The following PHRF1 variants were observed in gnomAD, a reference collection of about 807,000 sequenced individuals.
PHRF1 encodes PHD and ring finger domains 1, also known as PHD and RING finger domain-containing protein 1.
PHRF1 carries 53 observed loss-of-function variants against 128.9 expected under a neutral mutation model. The ratio of observed to expected loss-of-function variants is 0.41; its 90% CI spans 0.33 to 0.52. PHRF1 has a LOEUF of 0.52. Among genes scored for constraint, PHRF1 ranks in the 20% least tolerant of loss-of-function variants. The pLI is 0.21. For missense variants in PHRF1, 2,503 were observed against 2,284.5 expected, an observed-to-expected ratio of 1.10 and a Z score of -1.95; for synonymous variants, 1,178 against 980.6, an observed-to-expected ratio of 1.20 and a Z score of -3.76.
intron 1 of PHRF1, among the ~76,000 whole-genome samples, chr11:577,409 A>G (rs961707582): frequency 5.9e-5 from 9 of 152,258 alleles, no homozygotes; most frequent in African/African-American, 1.9e-4. Context: ...CCAGTGGTCA[A>G]TGGACAGGCT....
chr11:612,002 G>A lies in PHRF1; in HGVS notation c.*225G>A, dbSNP rs1213231636. 3 of 613,284 alleles carry A rather than the reference G, an allele frequency of 4.9e-6. No homozygotes were observed. Among genetic ancestry groups the A allele is most frequent in the Non-Finnish European group, 8.3e-6 (3 of 360,890 alleles). 38.0% of individuals were successfully genotyped at this position (613,284 alleles called of 1,614,324 possible). On this transcript the variant is annotated 3_prime_UTR_variant, in exon 18 of 18. Transcript: ENST00000264555. ...AGTTGAAAACTGGACACTTTTGTAT[G>A]TATATTATAGAGACACTGTTTCCAT...
At chr11:580,614 C>T (rs1223365370) in intron 1 of PHRF1, among the ~76,000 whole-genome samples, 1 of 152,226 alleles carries the variant, frequency 6.6e-6, no homozygotes, top group Non-Finnish European at 1.5e-5. Context: ...CTCTTGTGCC[C>T]AGCTGATAAA....
chr11:594,385 C>T (rs1188485269), intron 6 of PHRF1, among the ~76,000 whole-genome samples: 2 of 152,236 alleles, frequency 1.3e-5, no homozygotes, highest in Admixed American at 6.5e-5. Context: ...TTTTCACGCA[C>T]AAAGCCTGGT....
In PHRF1 at chr11:607,866, G is replaced by C; in HGVS notation, c.2410G>C (p.Asp804His). 6.2e-7 allele frequency: 1 copy of C among 1,612,810 alleles called. No individual in the cohort carries two copies. The highest frequency in any genetic ancestry group is 8.5e-7 in the Non-Finnish European group (1 of 1,179,888). ...PGFCNTFRPV[D>H]DKEQRKENPS... Reference sequence around the variant, plus strand: ...CTTCTGTAACACGTTCCGGCCTGTGGACGATAAGGAGCAGAGGAAGGAGAA... The same window carrying C: ...CTTCTGTAACACGTTCCGGCCTGTGCACGATAAGGAGCAGAGGAAGGAGAA... Residue 804 changes from aspartate to histidine, a missense_variant, in exon 14 of 18, where the codon GAC (aspartate) becomes CAC (histidine). Asp to His is a moderately conservative substitution (Grantham distance 81). Coordinates refer to ENST00000264555, the MANE Select transcript of PHRF1 (RefSeq NM_001286581.2).
intron 4 of PHRF1, among the ~76,000 whole-genome samples, chr11:589,251 C>T (rs561825835): frequency 1.8e-4 from 27 of 152,156 alleles, no homozygotes; most frequent in Non-Finnish European, 2.8e-4. Context: ...CATAAGGAGA[C>T]GTGTAAGACA....
chr11:609,595 A>T lies in PHRF1; in HGVS notation c.4139A>T (p.Glu1380Val). ...CCCTCTGCGAGTGGGAGGGTACAGG[A>T]GGCAGCCCGGCCTGAGGAGGTGGTT... The part of the protein sequence containing the change: ...DSPSASGRVQ[E>V]AARPEEVVSQ... Residue 1380 changes from glutamate (E) to valine (V), a missense_variant, in exon 14 of 18, where the codon GAG becomes GTG. Physicochemically the swap from Glu to Val is moderately radical, Grantham distance 121. Coordinates refer to ENST00000264555, the MANE Select transcript of PHRF1 (RefSeq NM_001286581.2). The T allele has an allele frequency of 6.3e-7, 1 of 1,594,858 alleles. No individual in the cohort carries two copies. The highest frequency in any genetic ancestry group is 8.5e-7 in the Non-Finnish European group (1 of 1,172,236).
intron 6 of PHRF1, among the ~76,000 whole-genome samples, chr11:596,136 C>T (rs1855262049): frequency 6.6e-6 from 1 of 152,220 alleles, no homozygotes; most frequent in Non-Finnish European, 1.5e-5. Flanking sequence ...GCTCAATTTT[C>T]AGGGAAATCA....
intron 9 of PHRF1, among the ~76,000 whole-genome samples, chr11:599,253 CTTTTTTTTTTTTTTTT>C (rs754658303): frequency 1.9e-5 from 2 of 104,994 alleles, no homozygotes; most frequent in East Asian, 2.5e-4. Flanking sequence ...TTTTTCTTTT[CTTTTTTTTTTTTTTTT>C]TTTGAGACAG....
At chr11:603,051 T>C (rs912617494) in intron 10 of PHRF1, among the ~76,000 whole-genome samples, 1 of 151,774 alleles carries the variant, frequency 6.6e-6, no homozygotes, top group Non-Finnish European at 1.5e-5. Context: ...TGAGCCACCG[T>C]GCCCAGCCTT....
rs368798093 is a variant in PHRF1 at position 610,706 on chromosome 11, C to T, written c.4622C>T (p.Ser1541Leu). The change falls in exon 16 of 18, where the codon TCG becomes TTG. Residue 1541 changes from serine to leucine, a missense_variant. Coordinates refer to ENST00000264555, the MANE Select transcript of PHRF1 (RefSeq NM_001286581.2). ...PASQATAASN[S>L]EEKTPAPRLA... ...AGTCAAGCCACTGCAGCCAGCAACTCGGAGGAGAAGACCCCGGCCCCCAGG... is the reference window on the plus strand; with the variant it reads ...AGTCAAGCCACTGCAGCCAGCAACTTGGAGGAGAAGACCCCGGCCCCCAGG... 22 of 1,603,242 alleles carry T rather than the reference C, an allele frequency of 1.4e-5. No homozygotes were observed. Among genetic ancestry groups the T allele is most frequent in the South Asian group, 4.4e-5 (4 of 91,090 alleles).
chr11:580,509 G>A (rs542464971), intron 1 of PHRF1, among the ~76,000 whole-genome samples: 1 of 152,324 alleles, frequency 6.6e-6, no homozygotes, highest in East Asian at 1.9e-4. Flanking sequence ...GCAGCACCCT[G>A]GTGGATGGGG....
intron 9 of PHRF1, among the ~76,000 whole-genome samples, chr11:600,590 G>A (rs1855573615): frequency 6.6e-6 from 1 of 151,468 alleles, no homozygotes; most frequent in African/African-American, 2.4e-5. Flanking sequence ...CAGCACTTTG[G>A]GAGGCTGAGG....
At position 608,793 on chromosome 11, in the gene PHRF1, A is replaced by G; in HGVS notation, c.3337A>G (p.Arg1113Gly). 2 of 1,611,918 alleles carry G rather than the reference A, an allele frequency of 1.2e-6. No homozygotes were observed. Among genetic ancestry groups the G allele is most frequent in the Non-Finnish European group, 1.7e-6 (2 of 1,179,730 alleles). Reference protein sequence around the residue: ...HYESRKKKKRRSASRPRGREC... With the variant: ...HYESRKKKKRGSASRPRGREC... ...TGAGAGTAGGAAGAAGAAGAAAAGG[A>G]GATCAGCGTCCAGACCTCGGGGAAG... The change falls in exon 14 of 18, where the codon AGA becomes GGA. Residue 1113 changes from arginine (R) to glycine (G), a missense_variant. Physicochemically the swap from Arg to Gly is moderately radical, Grantham distance 125. Transcript: ENST00000264555.
intron 1 of PHRF1, among the ~76,000 whole-genome samples, chr11:579,861 C>T (rs945202048): frequency 2.0e-5 from 3 of 152,208 alleles, no homozygotes; most frequent in African/African-American, 7.2e-5. Context: ...TAGGGTTTTG[C>T]ACTGTCTTGT....
Position 605,197 on chromosome 11 carries a change from G to C in PHRF1, c.1231G>C (p.Val411Leu), listed in dbSNP as rs1162238198. Residue 411 changes from valine to leucine, a missense_variant, in exon 11 of 18, where the codon GTG becomes CTG. By Grantham distance (32) the Val-to-Leu change is conservative (BLOSUM62 1). Transcript: ENST00000264555. ...RPVHSSCIPS[V>L]LKPVEPSLGL... is the part of the protein sequence containing the mutation. ...TGTTCACAGCAGCTGCATCCCGTCA[G>C]TGTTGAAGCCAGTGGAGCCCTCTTT... The C allele has an allele frequency of 1.2e-6, 2 of 1,613,462 alleles. No individual in the cohort carries two copies. The highest frequency in any genetic ancestry group is 1.7e-6 in the Non-Finnish European group (2 of 1,179,886).
At chr11:591,773 A>G (rs1034241989) in intron 5 of PHRF1, among the ~76,000 whole-genome samples, 1 of 152,112 alleles carries the variant, frequency 6.6e-6, no homozygotes, top group Non-Finnish European at 1.5e-5. Flanking sequence ...TTGAGACACC[A>G]TCTTGCTCTT....
In PHRF1 at chr11:607,764, G is replaced by A. The variant is rs1856044817; in HGVS notation, c.2308G>A (p.Val770Ile). The A allele has an allele frequency of 6.2e-7, 1 of 1,612,462 alleles. No homozygotes were observed. The highest frequency in any genetic ancestry group is 1.3e-5 in the African/African-American group (1 of 74,944). The change falls in exon 14 of 18, where the codon GTC (valine) becomes ATC (isoleucine). Residue 770 changes from valine to isoleucine, a missense_variant. Coordinates refer to ENST00000264555, the MANE Select transcript of PHRF1 (RefSeq NM_001286581.2). ...APLGPSRGKGVGSTFESFRIN... is the reference protein window; with the variant it reads ...APLGPSRGKGIGSTFESFRIN... The stretch of plus-strand genomic sequence containing the variant: ...ACTGGGACCATCAAGAGGGAAAGGG[G>A]TCGGGTCGACCTTTGAGAGCTTCCG...
Position 600,508 on chromosome 11 carries a change from A to G in PHRF1, c.1025-1066A>G, listed in dbSNP as rs1403076546. ...TGTCTCCAAAAATATATATATATAT[A>G]TATATATATATGGTTTATTTCTCCG... is the stretch of plus-strand genomic sequence containing the variant. On this transcript the variant is annotated intron_variant, in intron 9 of 17. Transcript: ENST00000264555. 5.4e-5 allele frequency among the ~76,000 whole-genome samples: 8 copies of G among 146,842 alleles called. 1 individual carries two copies. The highest frequency in any genetic ancestry group is 2.0e-4 in the African/African-American group (8 of 39,972).
In PHRF1 at chr11:607,452, C is replaced by T. The variant is rs1330196982; in HGVS notation, c.1996C>T (p.Pro666Ser). 5.6e-6 allele frequency: 9 copies of T among 1,612,856 alleles called. No homozygotes were observed. The South Asian group carries it at 7.7e-5, about 14-fold the overall frequency. ...ATGTCGCAGTGTGGTGCCGGGGCCT[C>T]CCCTGAAGCCAGCGCCCAGAAGAAC... ...PPCRSVVPGP[P>S]LKPAPRRTDI... Residue 666 changes from proline (P) to serine (S), a missense_variant, in exon 14 of 18, where the codon CCC becomes TCC. Transcript: ENST00000264555.
Sources: gnomAD v4.1 joint callset for allele counts (sites outside exome capture counted in the v4.1 genomes callset) on GRCh38, gnomAD v4.1.1 for gene constraint, MANE v1.5 for transcripts, NCBI Gene and HGNC (gene_info 2026-07-23, HGNC 2026-07-21) for gene names.